The following NUP107 variants were observed in gnomAD, a reference collection of about 807,000 sequenced individuals.
NUP107 encodes the protein nucleoporin 107.
NUP107 carries 101 observed loss-of-function variants against 141.0 expected under a neutral mutation model. That is an observed-to-expected ratio of 0.72 (90% CI 0.61 to 0.84). The LOEUF is 0.84. Among genes scored for constraint, NUP107 ranks in the 40% least tolerant of loss-of-function variants. The pLI, the probability that NUP107 is intolerant of heterozygous loss-of-function variation, is 0.00. For missense variants in NUP107, 941 were observed against 1,102.7 expected (o/e 0.85, Z 2.08); for synonymous variants, 319 against 363.9 (o/e 0.88, Z 1.41).
chr12:68,691,097 G>T (rs757690730), intron 4 of NUP107, among the ~76,000 whole-genome samples: 1 of 152,100 alleles, frequency 6.6e-6, no homozygotes, highest in Non-Finnish European at 1.5e-5. Context: ...GATATTTGAT[G>T]TAAAAGTCTT....
chr12:68,706,469 G>A (rs1265801212), intron 8 of NUP107: 2 of 719,534 alleles, frequency 2.8e-6, no homozygotes, highest in African/African-American at 3.5e-5. Flanking sequence ...GGCTGAGGCT[G>A]AGAGCATGAG....
chr12:68,711,840 T>C (rs1876873388), intron 10 of NUP107, among the ~76,000 whole-genome samples: 1 of 152,228 alleles, frequency 6.6e-6, no homozygotes, highest in African/African-American at 2.4e-5. Context: ...CTGGACTTTA[T>C]TCTAAATGTG....
rs35144597 is a variant in NUP107 at position 68,730,055 on chromosome 12, G to A, written c.1735-1055G>A. ...TAGCCCATTGTAACCTCAGACTCCT[G>A]GGCTCAAACAGTCTTCTCCCCTCAA... On this transcript the variant is annotated intron_variant, in intron 20 of 27. Coordinates refer to ENST00000229179, the MANE Select transcript of NUP107 (RefSeq NM_020401.4). Among the ~76,000 whole-genome samples, 8 of 151,544 alleles carry A rather than the reference G, an allele frequency of 5.3e-5. No individual in the cohort carries two copies. In the East Asian group the frequency reaches 1.6e-3, roughly 29 times the overall value.
intron 26 of NUP107, among the ~76,000 whole-genome samples, chr12:68,737,457 C>CT (rs1878125045): frequency 6.7e-6 from 1 of 149,404 alleles, no homozygotes; most frequent in Non-Finnish European, 1.5e-5. Context: ...GTCCCAGCTA[C>CT]TAGTGAGGCA....
At chr12:68,699,263 C>T (rs998156193) in intron 6 of NUP107, among the ~76,000 whole-genome samples, 3 of 152,014 alleles carry the variant, frequency 2.0e-5, no homozygotes, top group Non-Finnish European at 4.4e-5. Context: ...ATCCCAGCTA[C>T]TCGGGAGGCT....
intron 10 of NUP107, among the ~76,000 whole-genome samples, chr12:68,710,640 G>A (rs1250507269): frequency 1.7e-5 from 2 of 119,936 alleles, no homozygotes; most frequent in African/African-American, 3.0e-5. Context: ...GGGCGACAGA[G>A]CAGGCCGTCT....
rs1419344658 is a variant in NUP107 at position 68,731,123 on chromosome 12, A to G, written c.1748A>G (p.Glu583Gly). Residue 583 changes from glutamate (E) to glycine (G), a missense_variant, in exon 21 of 28, where the codon GAG becomes GGG. Physicochemically the swap from Glu to Gly is moderately conservative, Grantham distance 98 (BLOSUM62 -2). Transcript: ENST00000229179. ...TCTATTTTTTAGCTTTTAATAAGAG[A>G]GAAACATACAAATCTTATAGCATTT... ...LKTYIQLLIR[E>G]KHTNLIAFYT... 1.3e-6 allele frequency: 2 copies of G among 1,584,500 alleles called. No homozygotes were observed. The highest frequency in any genetic ancestry group is 4.5e-5 in the East Asian group (2 of 44,484).
intron 17 of NUP107, 107 bp downstream of exon 17, chr12:68,722,259 C>A: frequency 1.3e-6 from 1 of 799,516 alleles, no homozygotes; most frequent in Admixed American, 3.2e-5. Context: ...CTTTTTCTCA[C>A]CTATTAAAAT....
At chr12:68,701,622 C>G (rs557210044) in intron 7 of NUP107, among the ~76,000 whole-genome samples, 8 of 151,190 alleles carry the variant, frequency 5.3e-5, no homozygotes, top group Admixed American at 4.6e-4. Context: ...GCAGAGGTTG[C>G]GAGCCGAGAT....
At chr12:68,736,717 C>CTTTTT (rs10713889) in intron 26 of NUP107, among the ~76,000 whole-genome samples, 19 of 105,866 alleles carry the variant, frequency 1.8e-4, no homozygotes, top group Admixed American at 3.2e-4. Context: ...GTGTCGCCAC[C>CTTTTT]TTTTTTTTTT....
In NUP107 at chr12:68,692,068, C is replaced by G. The variant is rs1875822551; in HGVS notation, c.404C>G (p.Thr135Ser). The G allele has an allele frequency of 6.2e-7, 1 of 1,611,236 alleles. No homozygotes were observed. The highest frequency in any genetic ancestry group is 8.5e-7 in the Non-Finnish European group (1 of 1,179,280). The change falls in exon 5 of 28, where the codon ACT becomes AGT. Residue 135 changes from threonine (T) to serine (S), a missense_variant. Thr to Ser is a moderately conservative substitution (Grantham distance 58). Transcript: ENST00000229179. ...TEPHSITEDVTISAVMLREDD... is the reference protein window; with the variant it reads ...TEPHSITEDVSISAVMLREDD... ...CCCCACAGTATAACAGAAGATGTAA[C>G]TATCAGTGCTGTTATGTTACGTGAG...
At chr12:68,713,631 T>G in intron 10 of NUP107, 99 bp from the exon 11 acceptor site, 1 of 831,462 alleles carries the variant, frequency 1.2e-6, no homozygotes, top group South Asian at 1.5e-5. Context: ...TTTACTGGGA[T>G]TGTAGTCTGT....
intron 20 of NUP107, among the ~76,000 whole-genome samples, chr12:68,730,871 G>A (rs1363543848): frequency 1.3e-5 from 2 of 152,276 alleles, no homozygotes; most frequent in East Asian, 3.9e-4. Flanking sequence ...CCGGGAGGTT[G>A]AGGTGGGAGG....
At position 68,745,190 on chromosome 12, in the gene NUP107, A is replaced by G. The variant is rs1374325474; in HGVS notation, c.*2728A>G. 6.6e-6 allele frequency: 1 copy of G among 152,244 alleles called. No individual in the cohort carries two copies. Among genetic ancestry groups the G allele is most frequent in the African/African-American group, 2.4e-5 (1 of 41,458 alleles). 9.4% of individuals were successfully genotyped at this position (152,244 alleles called of 1,614,324 possible). A position where few individuals can be genotyped will look rare whatever the true frequency, so the allele number is the denominator to read the frequency against. On this transcript the variant is annotated 3_prime_UTR_variant, in exon 28 of 28. Coordinates refer to ENST00000229179, the MANE Select transcript of NUP107 (RefSeq NM_020401.4). ...GTCAGTCTCTCAAATAGCTGGGACT[A>G]CAGGCCCACGCCACCATGCCCTACT...
chr12:68,706,933 C>T, intron 8 of NUP107: 1 of 692,960 alleles, frequency 1.4e-6, no homozygotes. Context: ...GCCTCAGCTA[C>T]AGCCTGGACT....
At chr12:68,736,005 A>G (rs915829756) in intron 26 of NUP107, among the ~76,000 whole-genome samples, 1 of 152,192 alleles carries the variant, frequency 6.6e-6, no homozygotes, top group Non-Finnish European at 1.5e-5. Context: ...TACTGGTAGA[A>G]TTTGGATGAG....
chr12:68,709,062 A>G (rs1428055890), intron 8 of NUP107, among the ~76,000 whole-genome samples, 176 bp from the exon 9 acceptor site: 3 of 152,260 alleles, frequency 2.0e-5, no homozygotes, highest in Non-Finnish European at 4.4e-5. Flanking sequence ...TTTGGAATTT[A>G]CACAATAGAT....
chr12:68,719,710 C>A, intron 14 of NUP107, 56 bp downstream of exon 14: 1 of 1,227,806 alleles, frequency 8.1e-7, no homozygotes, highest in Non-Finnish European at 1.2e-6. Context: ...AATTGAAAGC[C>A]TATTCAGGGG....
intron 8 of NUP107, chr12:68,706,674 G>C: frequency 2.7e-6 from 2 of 731,618 alleles, no homozygotes; most frequent in Non-Finnish European, 5.1e-6. Context: ...AGTTAAGGAT[G>C]CCAACACCAA....
Sources: gnomAD v4.1 joint callset for allele counts (sites outside exome capture counted in the v4.1 genomes callset) on GRCh38, gnomAD v4.1.1 for gene constraint, MANE v1.5 for transcripts, NCBI Gene and HGNC (gene_info 2026-07-23, HGNC 2026-07-21) for gene names.